Variants in RFTN1 observed in about 807,000 individuals in gnomAD.
The protein encoded by RFTN1 is raftlin, lipid raft linker 1.
A neutral mutation model predicts 46.5 loss-of-function variants in RFTN1; 26 were observed. The ratio of observed to expected loss-of-function variants is 0.56; its 90% CI spans 0.41 to 0.78. The LOEUF is 0.78. RFTN1 is among the 30% of genes least tolerant of loss of function. The pLI is 0.00. For synonymous variants in RFTN1, 261 were observed against 284.2 expected, an observed-to-expected ratio of 0.92 and a Z score of 0.82; for missense variants, 693 against 718.7, an observed-to-expected ratio of 0.96 and a Z score of 0.41.
At chr3:16,415,243 A>T (rs562784267) in intron 3 of RFTN1, among the ~76,000 whole-genome samples, 2 of 151,856 alleles carry the variant, frequency 1.3e-5, no homozygotes, top group Non-Finnish European at 2.9e-5. Context: ...GACTCCAAGG[A>T]TCTTTGCCTT....
In RFTN1 at chr3:16,474,112, T is replaced by C. The variant is rs1575343274; in HGVS notation, c.145+19613A>G. Among the ~76,000 whole-genome samples, 1 of 152,232 alleles carries C rather than the reference T, an allele frequency of 6.6e-6. No individual in the cohort carries two copies. Among genetic ancestry groups the C allele is most frequent in the African/African-American group, 2.4e-5 (1 of 41,466 alleles). ...TCTTGCACTTACATTTGACTCTTCTTTGCATTTGGTATAAAAATAGCTATC... is the reference window on the plus strand; with the variant it reads ...TCTTGCACTTACATTTGACTCTTCTCTGCATTTGGTATAAAAATAGCTATC... On this transcript the variant is annotated intron_variant, in intron 2 of 9. Transcript: ENST00000334133. The surrounding 1 kb of genome is among the most constrained non-coding windows in gnomAD (Gnocchi z 5.5).
At position 16,418,958 on chromosome 3, in the gene RFTN1, T is replaced by C. The variant is rs1263673668; in HGVS notation, c.333-9475A>G. On this transcript the variant is annotated intron_variant, in intron 3 of 9. Coordinates refer to ENST00000334133, the MANE Select transcript of RFTN1 (RefSeq NM_015150.2). The surrounding 1 kb of genome is among the most constrained non-coding windows in gnomAD (Gnocchi z 5.0). ...TATGAGAATTCAATTATTTCCAGTGTCAAGGATCAGGGGAAAATTTAAGGA... is the reference window on the plus strand; with the variant it reads ...TATGAGAATTCAATTATTTCCAGTGCCAAGGATCAGGGGAAAATTTAAGGA... Among the ~76,000 whole-genome samples the C allele has an allele frequency of 2.6e-5, 4 of 152,154 alleles. No individual in the cohort carries two copies. The highest frequency in any genetic ancestry group is 1.3e-4 in the Admixed American group (2 of 15,268).
At chr3:16,357,133 A>AAAAAAC (rs2072499660) in intron 7 of RFTN1, among the ~76,000 whole-genome samples, 1 of 139,480 alleles carries the variant, frequency 7.2e-6, no homozygotes, top group African/African-American at 3.0e-5. Flanking sequence ...AAAAAACAAA[A>AAAAAAC]AAACAAACAA....
rs2075811231 is a variant in RFTN1 at position 16,450,811 on chromosome 3, C to T, written c.146-16774G>A. Among the ~76,000 whole-genome samples, 1 of 151,824 alleles carries T rather than the reference C, an allele frequency of 6.6e-6. No individual in the cohort carries two copies. The highest frequency in any genetic ancestry group is 2.1e-4 in the South Asian group (1 of 4,806). On this transcript the variant is annotated intron_variant, in intron 2 of 9. Coordinates refer to ENST00000334133, the MANE Select transcript of RFTN1 (RefSeq NM_015150.2). The surrounding 1 kb of genome is among the most constrained non-coding windows in gnomAD (Gnocchi z 4.6). The stretch of plus-strand genomic sequence containing the variant: ...TTTTTTCCATCATAAGAAAACAAAG[C>T]CAAAGAGATGGCTGGGAGATGAGGG...
Position 16,513,554 on chromosome 3 carries a change from G to A in RFTN1, c.-121C>T, listed in dbSNP as rs530154845. The stretch of plus-strand genomic sequence containing the variant: ...AGGAGGCGGCGCGGGGAGGACTTGG[G>A]CGCCGGTGGGTGGAGGCGTGGGCGG... On this transcript the variant is annotated 5_prime_UTR_variant, in exon 1 of 10. Transcript: ENST00000334133. The surrounding 1 kb of genome is among the most constrained non-coding windows in gnomAD (Gnocchi z 5.4). 3 of 152,568 alleles carry A rather than the reference G, an allele frequency of 2.0e-5. No homozygotes were observed. The highest frequency in any genetic ancestry group is 2.9e-5 in the Non-Finnish European group (2 of 68,250). The allele number at this position is 152,568 out of a possible 1,614,324, so 9.5% of individuals were successfully genotyped here. A position where few individuals can be genotyped will look rare whatever the true frequency, so the allele number is the denominator to read the frequency against.
intron 2 of RFTN1, chr3:16,454,874 A>G (rs1397633886): frequency 8.0e-6 from 5 of 623,728 alleles, no homozygotes; most frequent in Non-Finnish European, 1.0e-5. Context: ...GTCCATAACT[A>G]GAATTCAATA....
intron 7 of RFTN1, among the ~76,000 whole-genome samples, chr3:16,332,001 A>G (rs933474734): frequency 1.6e-4 from 25 of 152,354 alleles, no homozygotes; most frequent in Admixed American, 9.1e-4. Context: ...CTAATATTTT[A>G]ACTGTAACCT....
At chr3:16,411,202 C>G (rs2074974597) in intron 3 of RFTN1, among the ~76,000 whole-genome samples, 2 of 152,172 alleles carry the variant, frequency 1.3e-5, no homozygotes, top group Admixed American at 6.5e-5. Context: ...AAAGCAGGCA[C>G]TTCCACACTG....
chr3:16,344,392 C>T lies in RFTN1; in HGVS notation c.1146+13540G>A, dbSNP rs943041740. Among the ~76,000 whole-genome samples, 1 of 151,428 alleles carries T rather than the reference C, an allele frequency of 6.6e-6. No individual in the cohort carries two copies. The highest frequency in any genetic ancestry group is 2.4e-5 in the African/African-American group (1 of 41,110). On this transcript the variant is annotated intron_variant, in intron 7 of 9. Transcript: ENST00000334133. The surrounding 1 kb of genome is among the most constrained non-coding windows in gnomAD (Gnocchi z 4.4). Reference sequence around the variant, plus strand: ...CATCAACTATAATCTAATTTAGAAACAACATGTAAAAACAGATACATTCAG... The same window carrying T: ...CATCAACTATAATCTAATTTAGAAATAACATGTAAAAACAGATACATTCAG...
At chr3:16,324,316 C>T (rs693626) in intron 8 of RFTN1, among the ~76,000 whole-genome samples, 66,466 of 151,940 alleles carry the variant, frequency 0.44, 14,627 homozygotes, top group African/African-American at 0.47. Flanking sequence ...CTTTTAGGAA[C>T]TGTAAACTAT....
rs768088462 is a variant in RFTN1, at chr3:16,322,390, T to C, written c.1332+986A>G. Among the ~76,000 whole-genome samples, 33 of 152,196 alleles carry C rather than the reference T, an allele frequency of 2.2e-4. 1 individual carries two copies. The highest frequency in any genetic ancestry group is 4.1e-4 in the Non-Finnish European group (28 of 68,028). On this transcript the variant is annotated intron_variant, in intron 9 of 9. Coordinates refer to ENST00000334133, the MANE Select transcript of RFTN1 (RefSeq NM_015150.2). This position sits in a 1 kb window ranked among gnomAD's most constrained non-coding sequence, Gnocchi z 6.2. ...AATCTGTTCATTTACTTGATGCTCCTTCCCAGGGCTCTGTGTCCAAAGAAC... is the reference window on the plus strand; with the variant it reads ...AATCTGTTCATTTACTTGATGCTCCCTCCCAGGGCTCTGTGTCCAAAGAAC...
chr3:16,371,456 C>T (rs1388570407), intron 5 of RFTN1, among the ~76,000 whole-genome samples: 1 of 152,122 alleles, frequency 6.6e-6, no homozygotes, highest in Non-Finnish European at 1.5e-5. Flanking sequence ...GAAGGCAGTC[C>T]GCTACCACTT....
chr3:16,432,323 G>C (rs2075403988), intron 3 of RFTN1, among the ~76,000 whole-genome samples: 1 of 152,126 alleles, frequency 6.6e-6, no homozygotes, highest in South Asian at 2.1e-4. Context: ...TTCCAGACCA[G>C]TCTAGGCAAC....
At chr3:16,359,546 T>C (rs928322682) in intron 6 of RFTN1, among the ~76,000 whole-genome samples, 1 of 151,934 alleles carries the variant, frequency 6.6e-6, no homozygotes, top group African/African-American at 2.4e-5. Flanking sequence ...CTGGCGTGTG[T>C]AAAGAGGAAA....
chr3:16,358,106 T>C, intron 6 of RFTN1, 59 bp from the exon 7 acceptor site: 1 of 921,288 alleles, frequency 1.1e-6, no homozygotes, highest in Non-Finnish European at 1.8e-6. Flanking sequence ...GTGGCAGAAG[T>C]CTTCTAAGCA....
chr3:16,426,130 C>T lies in RFTN1; in HGVS notation c.332+7721G>A, dbSNP rs970271813. Among the ~76,000 whole-genome samples, 6 of 152,180 alleles carry T rather than the reference C, an allele frequency of 3.9e-5. No individual in the cohort carries two copies. The highest frequency in any genetic ancestry group is 9.6e-5 in the African/African-American group (4 of 41,452). ...GCTGCAGTTTCCCATCACAGTAGCACGCATCAATCAGTGCTAAACCCACCG... is the reference window on the plus strand; with the variant it reads ...GCTGCAGTTTCCCATCACAGTAGCATGCATCAATCAGTGCTAAACCCACCG... On this transcript the variant is annotated intron_variant, in intron 3 of 9. Coordinates refer to ENST00000334133, the MANE Select transcript of RFTN1 (RefSeq NM_015150.2). This position sits in a 1 kb window ranked among gnomAD's most constrained non-coding sequence, Gnocchi z 5.9.
At chr3:16,401,605 C>T (rs7637120) in intron 4 of RFTN1, among the ~76,000 whole-genome samples, 68,836 of 152,084 alleles carry the variant, frequency 0.45, 15,931 homozygotes, top group East Asian at 0.57. Context: ...GTTCCTCCCT[C>T]TACCTTGGAA....
Position 16,327,564 on chromosome 3 carries a change from C to G in RFTN1, c.1147-688G>C, listed in dbSNP as rs2069836392. 6.6e-6 allele frequency among the ~76,000 whole-genome samples: 1 copy of G among 151,966 alleles called. No individual in the cohort carries two copies. The highest frequency in any genetic ancestry group is 1.5e-5 in the Non-Finnish European group (1 of 67,972). On this transcript the variant is annotated intron_variant, in intron 7 of 9. Transcript: ENST00000334133. The surrounding 1 kb of genome is among the most constrained non-coding windows in gnomAD (Gnocchi z 4.2). ...CACATGGTCAGGAGATCAAGACCATCCTGGCTAACACAGTGAAACCCCGTC... is the reference window on the plus strand; with the variant it reads ...CACATGGTCAGGAGATCAAGACCATGCTGGCTAACACAGTGAAACCCCGTC...
At chr3:16,454,416 A>T (rs2124914355) in intron 2 of RFTN1, among the ~76,000 whole-genome samples, 1 of 152,272 alleles carries the variant, frequency 6.6e-6, no homozygotes, top group African/African-American at 2.4e-5. Context: ...GGCTATCCCC[A>T]GATCTACTAA....
Sources: gnomAD v4.1 joint callset for allele counts (sites outside exome capture counted in the v4.1 genomes callset) on GRCh38, gnomAD v4.1.1 for gene constraint, Gnocchi (gnomAD v3.1) non-coding constraint, MANE v1.5 for transcripts, NCBI Gene and HGNC (gene_info 2026-07-23, HGNC 2026-07-21) for gene names.